The following TSHZ2 variants were observed in gnomAD, a reference collection of about 807,000 sequenced individuals.
TSHZ2 encodes teashirt homolog 2.
In TSHZ2, 21 loss-of-function variants were observed where a neutral mutation model predicts 74.4. The observed-to-expected ratio is 0.28, with a 90% confidence interval of 0.20 to 0.41. TSHZ2 has a LOEUF of 0.41. Ranked by LOEUF, TSHZ2 falls within the 10% of genes least tolerant of loss-of-function variation. TSHZ2 has a pLI of 1.00. For missense variants in TSHZ2, 1,244 were observed against 1,293.5 expected (o/e 0.96, Z 0.59); for synonymous variants, 540 against 515.3 (o/e 1.05, Z -0.65).
chr20:53,097,051 A>T (rs1394435582), intron 1 of TSHZ2, among the ~76,000 whole-genome samples: 2 of 152,132 alleles, frequency 1.3e-5, no homozygotes, highest in Non-Finnish European at 2.9e-5. Flanking sequence ...GTGTGGTAGG[A>T]TGTGTAGCAT....
intron 2 of TSHZ2, among the ~76,000 whole-genome samples, chr20:53,418,203 A>C (rs1022074251): frequency 4.6e-5 from 7 of 152,176 alleles, no homozygotes; most frequent in Admixed American, 3.3e-4. Context: ...TGTGTTCCCC[A>C]TTCCAGGTTT....
At chr20:53,339,122 C>G (rs1239969274) in intron 2 of TSHZ2, among the ~76,000 whole-genome samples, 2 of 152,196 alleles carry the variant, frequency 1.3e-5, no homozygotes, top group African/African-American at 4.8e-5. Context: ...CCTCAGTCCA[C>G]AAGCTTGGGT....
intron 2 of TSHZ2, among the ~76,000 whole-genome samples, chr20:53,472,336 A>G (rs941956541): frequency 6.6e-6 from 1 of 152,194 alleles, no homozygotes; most frequent in Non-Finnish European, 1.5e-5. Context: ...GACTAGGGTC[A>G]GGGTGAGCCA....
chr20:53,252,652 A>G (rs879480383), intron 1 of TSHZ2, among the ~76,000 whole-genome samples: 1 of 152,328 alleles, frequency 6.6e-6, no homozygotes, highest in Admixed American at 6.5e-5. Flanking sequence ...TTTTGCATCT[A>G]CAAATCAAAT....
intron 1 of TSHZ2, among the ~76,000 whole-genome samples, chr20:52,985,324 GATTA>G (rs1308292762): frequency 6.6e-6 from 1 of 152,144 alleles, no homozygotes; most frequent in African/African-American, 2.4e-5. Flanking sequence ...TTTTTATGAG[GATTA>G]ATTGAGATAA....
chr20:53,050,220 T>G (rs1429878344), intron 1 of TSHZ2, among the ~76,000 whole-genome samples: 1 of 148,372 alleles, frequency 6.7e-6, no homozygotes, highest in Non-Finnish European at 1.5e-5. Context: ...TATATGAATG[T>G]TTATATATAG....
intron 1 of TSHZ2, among the ~76,000 whole-genome samples, chr20:53,103,747 T>A (rs980266583): frequency 2.0e-5 from 3 of 152,182 alleles, no homozygotes; most frequent in Non-Finnish European, 4.4e-5. Flanking sequence ...AGCTGGTGGC[T>A]CTCAGTATCA....
chr20:53,139,123 T>C (rs1364049548), intron 1 of TSHZ2, among the ~76,000 whole-genome samples: 5 of 152,194 alleles, frequency 3.3e-5, no homozygotes, highest in Admixed American at 3.3e-4. Context: ...CATTTACCCT[T>C]AGCAAATGGT....
At chr20:52,997,041 A>T (rs1358198739) in intron 1 of TSHZ2, among the ~76,000 whole-genome samples, 1 of 152,102 alleles carries the variant, frequency 6.6e-6, no homozygotes, top group African/African-American at 2.4e-5. Context: ...TTGTTTGGGG[A>T]CATTCATTGG....
chr20:53,410,592 T>C (rs1255636107), intron 2 of TSHZ2, among the ~76,000 whole-genome samples: 1 of 144,676 alleles, frequency 6.9e-6, no homozygotes, highest in Admixed American at 6.9e-5. Context: ...CGTCACATTA[T>C]TATTATTATT....
At chr20:53,259,681 G>A (rs958247994) in intron 2 of TSHZ2, among the ~76,000 whole-genome samples, 5 of 152,162 alleles carry the variant, frequency 3.3e-5, no homozygotes, top group Non-Finnish European at 7.3e-5. Flanking sequence ...ACATATTCAG[G>A]GTGAAAAGCG....
At chr20:53,297,240 C>T (rs1281501434) in intron 2 of TSHZ2, among the ~76,000 whole-genome samples, 1 of 147,654 alleles carries the variant, frequency 6.8e-6, no homozygotes, top group African/African-American at 2.5e-5. Flanking sequence ...TGAGAGAAAT[C>T]TCAGAATCTT....
At chr20:53,064,315 T>C (rs1194503872) in intron 1 of TSHZ2, among the ~76,000 whole-genome samples, 1 of 152,180 alleles carries the variant, frequency 6.6e-6, no homozygotes, top group Non-Finnish European at 1.5e-5. Context: ...TCTTACTTTC[T>C]AAGTAAGCTC....
In TSHZ2 at chr20:52,973,344, C is replaced by A; in HGVS notation, c.40+11C>A. ...CCAAGCGGGCGGCAGGTAAGAGAAA[C>A]GGCTCCGCTTCGGGGCTGCCCTGTG... On this transcript the variant is annotated intron_variant, in intron 1 of 2. Transcript: ENST00000371497. 6.4e-7 allele frequency: 1 copy of A among 1,551,398 alleles called. No individual in the cohort carries two copies.
intron 1 of TSHZ2, among the ~76,000 whole-genome samples, chr20:53,219,137 G>T (rs1279929455): frequency 6.6e-6 from 1 of 152,148 alleles, no homozygotes; most frequent in East Asian, 1.9e-4. Context: ...TCCATAGAAA[G>T]CCAATTTCTC....
chr20:53,441,459 T>C (rs1352173556), intron 2 of TSHZ2, among the ~76,000 whole-genome samples: 1 of 151,908 alleles, frequency 6.6e-6, no homozygotes, highest in Non-Finnish European at 1.5e-5. Flanking sequence ...GTTTTGTTTT[T>C]TGTATTTTTA....
intron 2 of TSHZ2, among the ~76,000 whole-genome samples, chr20:53,418,472 A>G (rs1983350298): frequency 6.6e-6 from 1 of 152,162 alleles, no homozygotes; most frequent in African/African-American, 2.4e-5. Context: ...GGCTGGTGAC[A>G]CCTCACAATC....
chr20:53,247,946 C>T (rs1019351967), intron 1 of TSHZ2, among the ~76,000 whole-genome samples: 1 of 152,146 alleles, frequency 6.6e-6, no homozygotes, highest in African/African-American at 2.4e-5. Context: ...GTATACCTAG[C>T]AAAAGTCTGA....
intron 1 of TSHZ2, among the ~76,000 whole-genome samples, chr20:53,103,189 G>A (rs1215476461): frequency 2.0e-5 from 3 of 152,128 alleles, no homozygotes; most frequent in Non-Finnish European, 4.4e-5. Flanking sequence ...TAACATAAAA[G>A]CTAATATGCA....
Sources: allele counts gnomAD v4.1 joint callset (sites outside exome capture counted in the v4.1 genomes callset), GRCh38; gene constraint gnomAD v4.1.1; transcripts MANE v1.5; gene names NCBI Gene and HGNC (gene_info 2026-07-23, HGNC 2026-07-21).